Variants in VDAC1 observed in about 807,000 individuals in gnomAD.
The protein encoded by VDAC1 is non-selective voltage-gated ion channel VDAC1.
A neutral mutation model predicts 34.7 loss-of-function variants in VDAC1; 10 were observed. The ratio of observed to expected loss-of-function variants is 0.29; its 90% CI spans 0.18 to 0.49. VDAC1 has a LOEUF of 0.49. VDAC1 is among the 20% of genes least tolerant of loss of function. The pLI is 0.99. For missense variants in VDAC1, 230 were observed against 347.9 expected (o/e 0.66, Z 2.69); for synonymous variants, 130 against 136.0 (o/e 0.96, Z 0.30).
the VDAC1 span, among the ~76,000 whole-genome samples, chr5:134,033,041 G>C: frequency 6.6e-6 from 1 of 151,688 alleles, no homozygotes; most frequent in African/African-American, 2.4e-5. Context: ...AGAGGGGAGG[G>C]GACGGGAAGG....
At chr5:134,100,948 G>A in the VDAC1 span, among the ~76,000 whole-genome samples, 1 of 152,262 alleles carries the variant, frequency 6.6e-6, no homozygotes. Context: ...AGGCCCCAGG[G>A]CTCCATGCTC....
chr5:134,006,750 AAAAAAAAAAAC>A (rs1169242287), upstream of VDAC1, among the ~76,000 whole-genome samples: 93 of 64,900 alleles, frequency 1.4e-3, 1 homozygote, highest in African/African-American at 5.9e-3. Flanking sequence ...CCCCCCCCCA[AAAAAAAAAAAC>A]AAAAAAAAAC....
intron 7 of VDAC1, among the ~76,000 whole-genome samples, chr5:133,974,050 G>A (rs1752391027): frequency 6.6e-6 from 1 of 152,154 alleles, no homozygotes; most frequent in Non-Finnish European, 1.5e-5. Flanking sequence ...AGGGTGTGCT[G>A]AGATCTGACA....
chr5:134,036,496 C>G, the VDAC1 span, among the ~76,000 whole-genome samples: 1 of 152,012 alleles, frequency 6.6e-6, no homozygotes. Flanking sequence ...AATGTCGGAT[C>G]CTTGGACTAA....
chr5:134,060,865 C>T, the VDAC1 span, among the ~76,000 whole-genome samples: 52 of 114,998 alleles, frequency 4.5e-4, no homozygotes, highest in African/African-American at 1.9e-3. Context: ...TTGCAGATCT[C>T]CTCCTCTTCT....
At chr5:134,029,213 C>A in the VDAC1 span, among the ~76,000 whole-genome samples, 1 of 152,222 alleles carries the variant, frequency 6.6e-6, no homozygotes, top group African/African-American at 2.4e-5. Flanking sequence ...CCCAGCGAAG[C>A]CTTCAGATGG....
chr5:134,018,019 A>G, the VDAC1 span, among the ~76,000 whole-genome samples: 4 of 152,258 alleles, frequency 2.6e-5, no homozygotes, highest in Non-Finnish European at 5.9e-5. Context: ...CAGGTTGCAC[A>G]CTGTGTTAGT....
chr5:134,017,412 C>T, the VDAC1 span, among the ~76,000 whole-genome samples: 1 of 151,776 alleles, frequency 6.6e-6, no homozygotes, highest in Non-Finnish European at 1.5e-5. Flanking sequence ...GCTGAGATCA[C>T]ACCATCGCAC....
the VDAC1 span, among the ~76,000 whole-genome samples, chr5:134,065,391 G>T: frequency 7.0e-6 from 1 of 143,588 alleles, no homozygotes; most frequent in Non-Finnish European, 1.5e-5. Flanking sequence ...ATTCAGGCTG[G>T]AGTGCAGTGG....
the VDAC1 span, among the ~76,000 whole-genome samples, chr5:134,101,330 C>G: frequency 6.6e-6 from 1 of 151,550 alleles, no homozygotes; most frequent in African/African-American, 2.4e-5. Context: ...TGGCTCACGC[C>G]TGTAATCCCA....
the VDAC1 span, among the ~76,000 whole-genome samples, chr5:134,062,145 C>T: frequency 2.0e-5 from 3 of 151,430 alleles, no homozygotes; most frequent in Non-Finnish European, 4.4e-5. Context: ...CACCACCATG[C>T]CCGGCTAATT....
At chr5:134,004,212 AC>A (rs1264743596) in intron 1 of VDAC1, among the ~76,000 whole-genome samples, 1 of 151,514 alleles carries the variant, frequency 6.6e-6, no homozygotes, top group Non-Finnish European at 1.5e-5. Context: ...CGTGGCCGGC[AC>A]CCGCCCGCTG....
rs1580727914 is a variant in VDAC1, at chr5:133,996,530, G to A, written c.-6-3512C>T. ...CTTGGCTCATCAGCTGAATGGCAAT[G>A]ACAGCTGCTGTGCTCACCGTGCCCC... On this transcript the variant is annotated intron_variant, in intron 1 of 8. Coordinates refer to ENST00000265333, the MANE Select transcript of VDAC1 (RefSeq NM_003374.3). Among the ~76,000 whole-genome samples, 8 of 152,072 alleles carry A rather than the reference G, an allele frequency of 5.3e-5. No individual in the cohort carries two copies. In the East Asian group the frequency reaches 1.6e-3, roughly 29 times the overall value.
the VDAC1 span, among the ~76,000 whole-genome samples, chr5:134,097,676 G>A: frequency 6.6e-6 from 1 of 152,144 alleles, no homozygotes; most frequent in Non-Finnish European, 1.5e-5. Context: ...GGTGAAGGTG[G>A]TGAAAATGCT....
the VDAC1 span, among the ~76,000 whole-genome samples, chr5:134,026,356 A>C: frequency 6.6e-6 from 1 of 151,994 alleles, no homozygotes; most frequent in East Asian, 1.9e-4. Context: ...TCTACTGAAA[A>C]TACAAAAAAT....
At chr5:134,051,098 G>A in the VDAC1 span, among the ~76,000 whole-genome samples, 1 of 152,362 alleles carries the variant, frequency 6.6e-6, no homozygotes, top group East Asian at 1.9e-4. Context: ...TCCAGCTAGA[G>A]GAGGACAGAG....
chr5:134,070,296 CA>C, the VDAC1 span, among the ~76,000 whole-genome samples: 3 of 152,092 alleles, frequency 2.0e-5, no homozygotes, highest in Non-Finnish European at 4.4e-5. Flanking sequence ...TGCCTCCCAG[CA>C]TGCTCGGTTA....
chr5:134,022,184 G>T, the VDAC1 span, among the ~76,000 whole-genome samples: 14 of 152,138 alleles, frequency 9.2e-5, no homozygotes, highest in Non-Finnish European at 1.9e-4. Context: ...CAGCTGAAAG[G>T]CTGTGATCTT....
At chr5:134,100,717 T>C in the VDAC1 span, among the ~76,000 whole-genome samples, 27 of 152,354 alleles carry the variant, frequency 1.8e-4, no homozygotes, top group African/African-American at 6.5e-4. Flanking sequence ...GTTTCACTCC[T>C]TTAAAAAGCC....
Sources: gnomAD v4.1 joint callset for allele counts (sites outside exome capture counted in the v4.1 genomes callset) on GRCh38, gnomAD v4.1.1 for gene constraint, MANE v1.5 for transcripts, NCBI Gene and HGNC (gene_info 2026-07-23, HGNC 2026-07-21) for gene names.